SHROOM4: variants seen among roughly 807,000 people sequenced by gnomAD.
SHROOM4 encodes protein Shroom4.
SHROOM4 carries 17 observed loss-of-function variants against 80.3 expected under a neutral mutation model. The ratio of observed to expected loss-of-function variants is 0.21; its 90% CI spans 0.14 to 0.32. The LOEUF (loss-of-function observed/expected upper bound fraction) is 0.32. SHROOM4 is among the 10% of genes least tolerant of loss of function. The pLI, the probability that SHROOM4 is intolerant of heterozygous loss-of-function variation, is 1.00. For synonymous variants in SHROOM4, 400 were observed against 437.5 expected (o/e 0.91, Z 1.07); for missense variants, 993 against 1,140.3 (o/e 0.87, Z 1.86).
Position 50,598,275 on chromosome X carries a change from G to C in SHROOM4, c.4203C>G (p.Asn1401Lys). The change falls in exon 8 of 9, where the codon AAC (asparagine) becomes AAG (lysine). Residue 1401 changes from asparagine (N) to lysine (K), a missense_variant. Transcript: ENST00000376020. Reference sequence around the variant, plus strand: ...CAGACCCCAACTCTACCTTCTCCTGGTTGGCCTCTGAATCGATGCTGTTCA... The same window carrying C: ...CAGACCCCAACTCTACCTTCTCCTGCTTGGCCTCTGAATCGATGCTGTTCA... ...NALNSIDSEA[N>K]QEKLVLIEKK... is the part of the protein sequence containing the mutation. 8.3e-7 allele frequency: 1 copy of C among 1,211,355 alleles called. No individual in the cohort carries two copies. Among genetic ancestry groups the C allele is most frequent in the Non-Finnish European group, 1.1e-6 (1 of 895,475 alleles).
intron 1 of SHROOM4, among the ~76,000 whole-genome samples, chrX:50,762,017 A>AT (rs1557268937): frequency 1.8e-5 from 2 of 111,940 alleles, no homozygotes; most frequent in African/African-American, 6.5e-5. Flanking sequence ...TACTAACTTA[A>AT]TTACAGTAAG....
Position 50,587,175 on chromosome X carries a change from T to C in SHROOM4, c.*9520A>G, listed in dbSNP as rs1324421056. On this transcript the variant is annotated 3_prime_UTR_variant, in exon 9 of 9. Transcript: ENST00000376020. ...GTCTGGTTTGTTTCACTTAGCATAA[T>C]ACCCTCCGGGTTCATCCATTTTGTC... is the stretch of plus-strand genomic sequence containing the variant. Among the ~76,000 whole-genome samples, 1 of 111,983 alleles carries C rather than the reference T, an allele frequency of 8.9e-6. No homozygotes were observed. The highest frequency in any genetic ancestry group is 3.2e-5 in the African/African-American group (1 of 30,817).
In SHROOM4 at chrX:50,635,020, G is replaced by T. The variant is rs59595864; in HGVS notation, c.1053C>A (p.Ser351Arg). ...NCEFSQPPES[S>R]QQGSEHLLMQ... ...TCAGTAGATGCTCAGAGCCCTGTTGGCTGGATTCAGGAGGCTGACTGAACT... is the reference window on the plus strand; with the variant it reads ...TCAGTAGATGCTCAGAGCCCTGTTGTCTGGATTCAGGAGGCTGACTGAACT... Residue 351 changes from serine (S) to arginine (R), a missense_variant, in exon 4 of 9, where the codon AGC becomes AGA. Transcript: ENST00000376020. The T allele has an allele frequency of 2.3e-4, 282 of 1,210,845 alleles. 3 individuals carry two copies. In the African/African-American group the frequency reaches 4.0e-3, roughly 17 times the overall value.
chrX:50,716,851 G>A (rs1034117666), intron 1 of SHROOM4, among the ~76,000 whole-genome samples: 12 of 112,358 alleles, frequency 1.1e-4, no homozygotes, highest in South Asian at 3.7e-4. Context: ...CTTGATACCC[G>A]CTGACAGTCA....
At chrX:50,649,849 T>G (rs1217211775) in intron 2 of SHROOM4, 3 of 112,305 alleles carry the variant, frequency 2.7e-5, no homozygotes, top group Non-Finnish European at 5.6e-5. Context: ...TTTAAGAAAT[T>G]TCATATCCTT....
chrX:50,575,747 A>T, the SHROOM4 span, among the ~76,000 whole-genome samples: 3 of 112,135 alleles, frequency 2.7e-5, no homozygotes, highest in South Asian at 3.8e-4. Flanking sequence ...GAGTCATTTT[A>T]AAAAAGTTTG....
At chrX:50,718,003 A>T (rs1209481542) in intron 1 of SHROOM4, among the ~76,000 whole-genome samples, 1 of 111,485 alleles carries the variant, frequency 9.0e-6, no homozygotes, top group Admixed American at 9.5e-5. Flanking sequence ...CACCAGGTTC[A>T]GGCCTAGATC....
At chrX:50,610,906 T>C (rs1009121413) in intron 5 of SHROOM4, among the ~76,000 whole-genome samples, 4 of 111,119 alleles carry the variant, frequency 3.6e-5, no homozygotes, top group African/African-American at 9.8e-5. Context: ...AGAAAAAAAG[T>C]AGAAACAAAA....
intron 5 of SHROOM4, among the ~76,000 whole-genome samples, chrX:50,616,134 C>T (rs1198054839): frequency 1.8e-5 from 2 of 112,292 alleles, no homozygotes; most frequent in Non-Finnish European, 3.8e-5. Flanking sequence ...TGGCCAACGC[C>T]CTTCAGCCTT....
At chrX:50,766,270 T>C (rs1262611459) in intron 1 of SHROOM4, among the ~76,000 whole-genome samples, 1 of 111,382 alleles carries the variant, frequency 9.0e-6, no homozygotes, top group Non-Finnish European at 1.9e-5. Context: ...TGCTTTGTTA[T>C]AATTATTTAA....
rs781911208 is a variant in SHROOM4, at chrX:50,754,239, C to T, written c.118-58302G>A. ...CTCTGAGATGATGCTTGGTTTTAAG[C>T]AGTAGCCAGGCTTAGGAAGGAGCTA... On this transcript the variant is annotated intron_variant, in intron 1 of 8. Coordinates refer to ENST00000376020, the MANE Select transcript of SHROOM4 (RefSeq NM_020717.5). 8.1e-5 allele frequency among the ~76,000 whole-genome samples: 9 copies of T among 111,655 alleles called. No individual in the cohort carries two copies. The South Asian group carries it at 3.4e-3, about 42-fold the overall frequency.
At chrX:50,795,345 T>A (rs993463305) in intron 1 of SHROOM4, among the ~76,000 whole-genome samples, 1 of 107,436 alleles carries the variant, frequency 9.3e-6, no homozygotes, top group Non-Finnish European at 1.9e-5. Context: ...AAAGAAGAAA[T>A]CTCAAGTCTT....
chrX:50,746,683 C>A (rs1934778958), intron 1 of SHROOM4, among the ~76,000 whole-genome samples: 1 of 112,137 alleles, frequency 8.9e-6, no homozygotes, highest in African/African-American at 3.2e-5. Flanking sequence ...GTTCTTCTCA[C>A]TGTCTTTGCT....
chrX:50,735,545 A>C (rs1934465176), intron 1 of SHROOM4, among the ~76,000 whole-genome samples: 1 of 111,638 alleles, frequency 9.0e-6, no homozygotes, highest in Admixed American at 9.5e-5. Context: ...AGAACAGGAG[A>C]ATTTATTTTA....
At chrX:50,703,271 A>G (rs1933566998) in intron 1 of SHROOM4, among the ~76,000 whole-genome samples, 1 of 112,189 alleles carries the variant, frequency 8.9e-6, no homozygotes, top group African/African-American at 3.2e-5. Flanking sequence ...TAAAAATAGA[A>G]TCAATTCCTC....
intron 2 of SHROOM4, among the ~76,000 whole-genome samples, chrX:50,645,749 T>C (rs1931807402): frequency 9.0e-6 from 1 of 111,576 alleles, no homozygotes; most frequent in African/African-American, 3.3e-5. Flanking sequence ...CCAGATAACA[T>C]GATCAAGTAT....
chrX:50,795,729 A>T (rs1935997669), intron 1 of SHROOM4, among the ~76,000 whole-genome samples: 1 of 111,952 alleles, frequency 8.9e-6, no homozygotes, highest in Non-Finnish European at 1.9e-5. Context: ...TGTGCTCTGG[A>T]GATAGCCTTT....
intron 7 of SHROOM4, among the ~76,000 whole-genome samples, chrX:50,602,061 T>A (rs1403353650): frequency 9.0e-6 from 1 of 111,418 alleles, no homozygotes; most frequent in Non-Finnish European, 1.9e-5. Flanking sequence ...GATAGTAATA[T>A]CTGCCTTGTT....
chrX:50,751,471 T>C (rs1334167184), intron 1 of SHROOM4, among the ~76,000 whole-genome samples: 1 of 112,020 alleles, frequency 8.9e-6, no homozygotes. Context: ...CTAATGACAT[T>C]CTGTACGTCA....
Sources: gnomAD v4.1 joint callset for allele counts (sites outside exome capture counted in the v4.1 genomes callset) on GRCh38, gnomAD v4.1.1 for gene constraint, MANE v1.5 for transcripts, NCBI Gene and HGNC (gene_info 2026-07-23, HGNC 2026-07-21) for gene names.